The following CACNA1E variants were observed in gnomAD, a reference collection of about 807,000 sequenced individuals.
CACNA1E encodes the protein voltage-dependent R-type calcium channel subunit alpha-1E.
CACNA1E carries 40 observed loss-of-function variants against 259.2 expected under a neutral mutation model. The ratio of observed to expected loss-of-function variants is 0.15; its 90% CI spans 0.12 to 0.20. The LOEUF (loss-of-function observed/expected upper bound fraction) is 0.20, where lower values mean the gene tolerates loss of function less well. CACNA1E is among the 10% of genes least tolerant of loss of function. The probability of loss-of-function intolerance (pLI) is 1.00; values close to 1 mark genes in which losing one functional copy is unlikely to be tolerated. For synonymous variants in CACNA1E, 1,104 were observed against 1,138.5 expected, an observed-to-expected ratio of 0.97 and a Z score of 0.61; for missense variants, 1,874 against 3,040.1, an observed-to-expected ratio of 0.62 and a Z score of 9.02.
At chr1:181,597,981 G>A (rs1376037106) in intron 6 of CACNA1E, among the ~76,000 whole-genome samples, 1 of 152,130 alleles carries the variant, frequency 6.6e-6, no homozygotes, top group Admixed American at 6.5e-5. Context: ...GATTTGGGTG[G>A]GGACACAGCC....
intron 6 of CACNA1E, among the ~76,000 whole-genome samples, chr1:181,641,250 GT>G (rs1230384613): frequency 6.6e-6 from 1 of 152,192 alleles, no homozygotes; most frequent in African/African-American, 2.4e-5. Context: ...GCTTAGCAGT[GT>G]TTTCAAGTAT....
intron 1 of CACNA1E, among the ~76,000 whole-genome samples, chr1:181,335,695 C>G (rs1651654754): frequency 6.6e-6 from 1 of 152,204 alleles, no homozygotes; most frequent in South Asian, 2.1e-4. Flanking sequence ...ACCATTGTGC[C>G]TTGGTTCATC....
intron 2 of CACNA1E, 140 bp downstream of exon 2, chr1:181,510,722 C>A: frequency 1.6e-6 from 1 of 643,472 alleles, no homozygotes; most frequent in Non-Finnish European, 2.9e-6. Context: ...AAGCTAATGA[C>A]AGACCCCATG....
At chr1:181,355,025 T>C (rs937194136) in intron 1 of CACNA1E, among the ~76,000 whole-genome samples, 27 of 152,236 alleles carry the variant, frequency 1.8e-4, no homozygotes, top group Admixed American at 2.6e-4. Flanking sequence ...CAAGGAAAGC[T>C]GAGCCCCACT....
At position 181,758,967 on chromosome 1, in the gene CACNA1E, A is replaced by G. The variant is rs770273701; in HGVS notation, c.4605+99A>G. On this transcript the variant is annotated intron_variant, in intron 32 of 47. Coordinates refer to ENST00000367573, the MANE Select transcript of CACNA1E (RefSeq NM_001205293.3). The surrounding 1 kb of genome is among the most constrained non-coding windows in gnomAD (Gnocchi z 4.2). ...GGAGGTGGTTACTGCTATTCCAGAA[A>G]TCACCCACCTAGATGTGGGCTCGTT... 1.4e-6 allele frequency: 1 copy of G among 706,400 alleles called. No homozygotes were observed. Among genetic ancestry groups the G allele is most frequent in the Non-Finnish European group, 2.5e-6 (1 of 397,360 alleles). 43.8% of individuals were successfully genotyped at this position (706,400 alleles called of 1,614,324 possible).
At chr1:181,397,934 C>T (rs1054171457) in intron 1 of CACNA1E, among the ~76,000 whole-genome samples, 4 of 152,226 alleles carry the variant, frequency 2.6e-5, no homozygotes, top group Admixed American at 2.6e-4. Context: ...AGCTGGTGGC[C>T]ATCGCCTTTT....
At chr1:181,797,040 G>T (rs993906782) in intron 47 of CACNA1E, among the ~76,000 whole-genome samples, 182 bp downstream of exon 47, 1 of 152,230 alleles carries the variant, frequency 6.6e-6, no homozygotes, top group Non-Finnish European at 1.5e-5. Flanking sequence ...ACTCAGAGAT[G>T]ATCTGAATTC....
rs114798990 is a variant in CACNA1E at position 181,392,814 on chromosome 1, G to C, written c.-14-20319G>C. 8.9e-3 allele frequency among the ~76,000 whole-genome samples: 1,354 copies of C among 152,330 alleles called. 21 individuals carry two copies. The highest frequency in any genetic ancestry group is 0.031 in the African/African-American group (1,296 of 41,568). Reference sequence around the variant, plus strand: ...TAATTAACAGGAAGCTGGAAAAAAAGACAGTGGCAAGAGAGAGGCTGAGAT... The same window carrying C: ...TAATTAACAGGAAGCTGGAAAAAAACACAGTGGCAAGAGAGAGGCTGAGAT... On this transcript the variant is annotated intron_variant, in intron 1 of 11. Coordinates refer to the CACNA1E transcript ENST00000524607.
At chr1:181,494,067 T>A (rs1664533370) in intron 1 of CACNA1E, among the ~76,000 whole-genome samples, 1 of 152,146 alleles carries the variant, frequency 6.6e-6, no homozygotes. Flanking sequence ...AAGATTGTAC[T>A]CAGAGGTCAC....
chr1:181,464,972 T>A (rs553437539), intron 2 of CACNA1E, among the ~76,000 whole-genome samples: 1 of 152,134 alleles, frequency 6.6e-6, no homozygotes, highest in Non-Finnish European at 1.5e-5. Flanking sequence ...TCCACTAATA[T>A]CTTTTGCTCC....
intron 6 of CACNA1E, among the ~76,000 whole-genome samples, chr1:181,587,180 T>A (rs541426055): frequency 6.6e-6 from 1 of 152,226 alleles, no homozygotes; most frequent in East Asian, 1.9e-4. Flanking sequence ...ATTTTCTCAA[T>A]GAAAGAGGAA....
chr1:181,471,552 T>C (rs1296309324), intron 2 of CACNA1E, among the ~76,000 whole-genome samples: 2 of 152,208 alleles, frequency 1.3e-5, no homozygotes, highest in South Asian at 2.1e-4. Flanking sequence ...TTTAACTTAA[T>C]ACTCTTTTGG....
chr1:181,345,641 A>C (rs905737745), intron 1 of CACNA1E, among the ~76,000 whole-genome samples: 2 of 152,202 alleles, frequency 1.3e-5, no homozygotes, highest in Non-Finnish European at 2.9e-5. Flanking sequence ...TGGGCTTCTC[A>C]GTGGAGAGCG....
At chr1:181,679,044 C>A (rs1017632579) in intron 7 of CACNA1E, among the ~76,000 whole-genome samples, 9 of 152,114 alleles carry the variant, frequency 5.9e-5, no homozygotes, top group Non-Finnish European at 1.3e-4. Context: ...GTCTTTCACA[C>A]CTTTGCATGA....
At chr1:181,625,310 C>G (rs542899906) in intron 6 of CACNA1E, among the ~76,000 whole-genome samples, 15 of 152,234 alleles carry the variant, frequency 9.9e-5, no homozygotes, top group Admixed American at 2.6e-4. Context: ...TGAAGCCAAA[C>G]GTCGTCTTCT....
intron 1 of CACNA1E, among the ~76,000 whole-genome samples, chr1:181,361,224 C>G (rs1653864994): frequency 6.6e-6 from 1 of 152,218 alleles, no homozygotes; most frequent in African/African-American, 2.4e-5. Context: ...TCCTTTGTAA[C>G]TCCTCTGTGT....
intron 1 of CACNA1E, among the ~76,000 whole-genome samples, chr1:181,349,721 GGAGGACTCAGGGCTGTGTAGA>G (rs1163311558): frequency 6.6e-6 from 1 of 152,056 alleles, no homozygotes; most frequent in South Asian, 2.1e-4. Context: ...GGCTGCATAG[GGAGGACTCAGGGCTGTGTAGA>G]GAGGACTCAG....
At chr1:181,624,143 A>T (rs989673601) in intron 6 of CACNA1E, among the ~76,000 whole-genome samples, 3 of 152,118 alleles carry the variant, frequency 2.0e-5, no homozygotes, top group African/African-American at 7.2e-5. Context: ...GACAGAACTA[A>T]TAGAGCAAGA....
chr1:181,569,124 C>T (rs960407090), intron 3 of CACNA1E, among the ~76,000 whole-genome samples: 1 of 152,236 alleles, frequency 6.6e-6, no homozygotes, highest in African/African-American at 2.4e-5. Context: ...AAGCTTCCTT[C>T]CCTGACCTTT....
Sources: gnomAD v4.1 joint callset for allele counts (sites outside exome capture counted in the v4.1 genomes callset) on GRCh38, gnomAD v4.1.1 for gene constraint, Gnocchi (gnomAD v3.1) non-coding constraint, MANE v1.5 for transcripts, NCBI Gene and HGNC (gene_info 2026-07-23, HGNC 2026-07-21) for gene names.